The following MAPKAP1 variants were observed in gnomAD, a reference collection of about 807,000 sequenced individuals.
MAPKAP1 encodes the protein MAPK associated protein 1.
In MAPKAP1, 20 loss-of-function variants were observed where a neutral mutation model predicts 65.7. That is an observed-to-expected ratio of 0.30 (90% CI 0.21 to 0.44). The LOEUF (loss-of-function observed/expected upper bound fraction) is 0.44. Among genes scored for constraint, MAPKAP1 ranks in the 20% least tolerant of loss-of-function variants. MAPKAP1 has a pLI of 1.00. For missense variants in MAPKAP1, 423 were observed against 648.0 expected (o/e 0.65, Z 3.77); for synonymous variants, 222 against 244.3 (o/e 0.91, Z 0.85).
At chr9:125,538,600 T>C (rs1375222550) in intron 7 of MAPKAP1, among the ~76,000 whole-genome samples, 1 of 152,154 alleles carries the variant, frequency 6.6e-6, no homozygotes, top group Non-Finnish European at 1.5e-5. Flanking sequence ...TCTTTTTACA[T>C]TAAAATATGG....
At chr9:125,694,094 C>T (rs1458994231) in intron 1 of MAPKAP1, among the ~76,000 whole-genome samples, 3 of 151,690 alleles carry the variant, frequency 2.0e-5, no homozygotes, top group East Asian at 1.9e-4. Context: ...TTTGGGAGGC[C>T]GAGGCAGGTA....
chr9:125,479,452 T>C (rs987310949), intron 9 of MAPKAP1, among the ~76,000 whole-genome samples: 1 of 152,056 alleles, frequency 6.6e-6, no homozygotes, highest in Admixed American at 6.6e-5. Context: ...TGGTGGTGCA[T>C]GCCTATAATC....
chr9:125,668,718 T>G (rs930811540), intron 3 of MAPKAP1, among the ~76,000 whole-genome samples: 10 of 152,360 alleles, frequency 6.6e-5, no homozygotes, highest in Admixed American at 5.9e-4. Context: ...ATACACATAC[T>G]ATATGAAAAT....
At chr9:125,487,615 T>TAA (rs35665829) in intron 8 of MAPKAP1, among the ~76,000 whole-genome samples, 3,727 of 126,730 alleles carry the variant, frequency 0.029, 57 homozygotes, top group South Asian at 0.051. Flanking sequence ...TGCCAATTAC[T>TAA]AAAAAAAAAA....
rs566959921 is a variant in MAPKAP1 at position 125,543,387 on chromosome 9, C to A, written c.849-219G>T. ...GTTCACACCATTCTCCTGCCTCAGC[C>A]TCCCAAGTAGCTGGGACTACAGGCG... is the stretch of plus-strand genomic sequence containing the variant. On this transcript the variant is annotated intron_variant, in intron 6 of 11. Coordinates refer to ENST00000265960, the MANE Select transcript of MAPKAP1 (RefSeq NM_001006617.3). Among the ~76,000 whole-genome samples, 615 of 152,076 alleles carry A rather than the reference C, an allele frequency of 4.0e-3. 3 individuals carry two copies. The highest frequency in any genetic ancestry group is 0.014 in the African/African-American group (583 of 41,490).
chr9:125,707,196 A>G lies in MAPKAP1; in HGVS notation c.-295T>C. On this transcript the variant is annotated 5_prime_UTR_variant, in exon 1 of 12. Coordinates refer to ENST00000265960, the MANE Select transcript of MAPKAP1 (RefSeq NM_001006617.3). ...GCCGAGCAGCAGCCCTATTACCCCG[A>G]GCCGCACACGACCCGGAACCACACC... 2.5e-6 allele frequency: 1 copy of G among 397,968 alleles called. No homozygotes were observed. Among genetic ancestry groups the G allele is most frequent in the Non-Finnish European group, 4.4e-6 (1 of 225,696 alleles). The allele number at this position is 397,968 out of a possible 1,614,324, so 24.7% of individuals were successfully genotyped here. A position where few individuals can be genotyped will look rare whatever the true frequency, so the allele number is the denominator to read the frequency against.
intron 11 of MAPKAP1, among the ~76,000 whole-genome samples, chr9:125,441,730 C>T (rs1412150314): frequency 6.6e-6 from 1 of 152,200 alleles, no homozygotes. Flanking sequence ...CTCCCGGACA[C>T]AGGGCTGGGC....
intron 8 of MAPKAP1, among the ~76,000 whole-genome samples, chr9:125,485,065 T>TC (rs1854453021): frequency 6.6e-6 from 1 of 152,216 alleles, no homozygotes; most frequent in East Asian, 1.9e-4. Context: ...TTTCACTCGT[T>TC]CCCCATAGCA....
chr9:125,443,783 CTCTT>C (rs1234732012), intron 11 of MAPKAP1, among the ~76,000 whole-genome samples: 1 of 150,572 alleles, frequency 6.6e-6, no homozygotes, highest in African/African-American at 2.4e-5. Flanking sequence ...TGCTTCCTCT[CTCTT>C]TACCTGGTCA....
intron 4 of MAPKAP1, among the ~76,000 whole-genome samples, chr9:125,624,610 TG>T (rs1163952873): frequency 0.059 from 973 of 16,494 alleles, 120 homozygotes; most frequent in African/African-American, 0.17. Flanking sequence ...GGGAGGGAGG[TG>T]GGGGGGGGGG....
Position 125,585,746 on chromosome 9 carries a change from C to G in MAPKAP1, c.499-19G>C. ...CATGACCCTGTGGACAGAACAAACA[C>G]GTGAGAGCAAAGCACACTGCCAGTT... On this transcript the variant is annotated intron_variant, in intron 4 of 11. Coordinates refer to ENST00000265960, the MANE Select transcript of MAPKAP1 (RefSeq NM_001006617.3). 2 of 1,611,316 alleles carry G rather than the reference C, an allele frequency of 1.2e-6. No individual in the cohort carries two copies. Among genetic ancestry groups the G allele is most frequent in the Non-Finnish European group, 1.7e-6 (2 of 1,177,808 alleles).
At chr9:125,488,459 AG>A (rs1854577574) in intron 8 of MAPKAP1, among the ~76,000 whole-genome samples, 1 of 152,114 alleles carries the variant, frequency 6.6e-6, no homozygotes. Context: ...TCTACCTCCC[AG>A]GTTCAAGCAA....
intron 8 of MAPKAP1, among the ~76,000 whole-genome samples, chr9:125,489,178 C>A (rs1055211387): frequency 1.3e-5 from 2 of 152,098 alleles, no homozygotes; most frequent in African/African-American, 4.8e-5. Context: ...AATAAACATA[C>A]TGAAAAAACA....
rs74749612 is a variant in MAPKAP1 at position 125,690,307 on chromosome 9, A to G, written c.-70+16664T>C. Among the ~76,000 whole-genome samples, 224 of 152,340 alleles carry G rather than the reference A, an allele frequency of 1.5e-3. 2 individuals are homozygous for G. The highest frequency in any genetic ancestry group is 5.8e-3 in the South Asian group (28 of 4,830). ...ACTTCAGAAGTTTCAGAAATGCTTA[A>G]AACAAAAACATCAGGCCATGTGTGA... is the stretch of plus-strand genomic sequence containing the variant. On this transcript the variant is annotated intron_variant, in intron 1 of 11. Transcript: ENST00000265960.
chr9:125,624,904 C>T (rs1246608159), intron 4 of MAPKAP1, among the ~76,000 whole-genome samples: 1 of 82,702 alleles, frequency 1.2e-5, no homozygotes, highest in African/African-American at 4.3e-5. Context: ...AAGAAAAATT[C>T]CTCTGCCTTG....
intron 7 of MAPKAP1, among the ~76,000 whole-genome samples, chr9:125,526,524 T>C (rs1217969763): frequency 1.3e-5 from 2 of 152,242 alleles, no homozygotes; most frequent in African/African-American, 4.8e-5. Context: ...TATAACATTT[T>C]GGTCTTAAAA....
chr9:125,452,359 A>T (rs1852988252), intron 10 of MAPKAP1, among the ~76,000 whole-genome samples: 1 of 151,470 alleles, frequency 6.6e-6, no homozygotes, highest in South Asian at 2.1e-4. Flanking sequence ...TCGGCCTCTC[A>T]AAGTGCTGGG....
Position 125,543,145 on chromosome 9 carries a change from A to C in MAPKAP1, c.872T>G (p.Leu291Arg), listed in dbSNP as rs1186688489. Reference sequence around the variant, plus strand: ...AACCTTTGTGTTGTCCACCTGAATAAGGGAGAATCCATGAGCAGCATTTCT... The same window carrying C: ...AACCTTTGTGTTGTCCACCTGAATACGGGAGAATCCATGAGCAGCATTTCT... ...VRINAAHGFS[L>R]IQVDNTKVTM... The change falls in exon 7 of 12, where the codon CTT (leucine) becomes CGT (arginine). Residue 291 changes from leucine to arginine, a missense_variant. Transcript: ENST00000265960. The C allele has an allele frequency of 6.2e-7, 1 of 1,612,456 alleles. No individual in the cohort carries two copies. The highest frequency in any genetic ancestry group is 2.2e-5 in the East Asian group (1 of 44,886).
At chr9:125,685,353 T>C (rs1004624648) in intron 1 of MAPKAP1, among the ~76,000 whole-genome samples, 41 of 152,140 alleles carry the variant, frequency 2.7e-4, no homozygotes, top group Non-Finnish European at 4.6e-4. Context: ...GAACAAGCCA[T>C]GTAGACACTC....
Sources: gnomAD v4.1 joint callset for allele counts (sites outside exome capture counted in the v4.1 genomes callset) on GRCh38, gnomAD v4.1.1 for gene constraint, MANE v1.5 for transcripts, NCBI Gene and HGNC (gene_info 2026-07-23, HGNC 2026-07-21) for gene names.